The following SEMA3D variants were observed in gnomAD, a reference collection of about 807,000 sequenced individuals.
SEMA3D encodes the protein semaphorin-3D.
In SEMA3D, 84 loss-of-function variants were observed where a neutral mutation model predicts 100.1. The observed-to-expected ratio is 0.84, with a 90% CI of 0.70 to 1.01. SEMA3D has a LOEUF of 1.01. Among genes scored for constraint, SEMA3D ranks in the 50% least tolerant of loss-of-function variants. SEMA3D has a pLI of 0.00. For synonymous variants in SEMA3D, 312 were observed against 320.7 expected, an observed-to-expected ratio of 0.97 and a Z score of 0.29; for missense variants, 875 against 934.1, an observed-to-expected ratio of 0.94 and a Z score of 0.82.
In SEMA3D at chr7:85,036,792, A is replaced by G. The variant is rs961623748; in HGVS notation, c.1191+97T>C. ...CACTGCAAATAAATGTTATTACAGC[A>G]CATGTGGCTCTGGTGAATAGCAGAA... is the stretch of plus-strand genomic sequence containing the variant. On this transcript the variant is annotated intron_variant, in intron 12 of 18. Transcript: ENST00000284136. 8.9e-6 allele frequency: 8 copies of G among 902,596 alleles called. No individual in the cohort carries two copies. In the African/African-American group the frequency reaches 1.2e-4, roughly 13 times the overall value. The allele number at this position is 902,596 out of a possible 1,614,324, so 55.9% of individuals were successfully genotyped here.
At chr7:85,137,323 G>A (rs1283096434) in intron 2 of SEMA3D, among the ~76,000 whole-genome samples, 1 of 151,524 alleles carries the variant, frequency 6.6e-6, no homozygotes, top group Non-Finnish European at 1.5e-5. Context: ...TATATACATA[G>A]GGTATATACA....
At chr7:85,064,384 A>T (rs1300299499) in intron 8 of SEMA3D, among the ~76,000 whole-genome samples, 1 of 152,170 alleles carries the variant, frequency 6.6e-6, no homozygotes, top group East Asian at 1.9e-4. Context: ...GTAGTCATGG[A>T]TATTCTATAT....
the SEMA3D span, among the ~76,000 whole-genome samples, chr7:85,209,084 T>C: frequency 6.6e-6 from 1 of 151,930 alleles, no homozygotes; most frequent in Non-Finnish European, 1.5e-5. Flanking sequence ...AATATGTTAA[T>C]TAAAATCAGT....
At chr7:85,044,790 T>C (rs535488396) in intron 9 of SEMA3D, among the ~76,000 whole-genome samples, 4 of 152,224 alleles carry the variant, frequency 2.6e-5, no homozygotes, top group African/African-American at 9.6e-5. Flanking sequence ...ATTAGCATAT[T>C]GTCACTGACA....
At chr7:85,246,607 T>C in the SEMA3D span, among the ~76,000 whole-genome samples, 1 of 152,022 alleles carries the variant, frequency 6.6e-6, no homozygotes, top group African/African-American at 2.4e-5. Flanking sequence ...TCTACTAGTT[T>C]GTGTAAATTA....
chr7:85,046,479 A>T (rs1487489674), intron 9 of SEMA3D, among the ~76,000 whole-genome samples: 1 of 151,984 alleles, frequency 6.6e-6, no homozygotes, highest in Admixed American at 6.6e-5. Flanking sequence ...GAATAAAAAG[A>T]TAAAAAACCA....
chr7:85,131,251 A>C (rs578056406), intron 2 of SEMA3D, among the ~76,000 whole-genome samples: 1 of 152,240 alleles, frequency 6.6e-6, no homozygotes, highest in East Asian at 1.9e-4. Flanking sequence ...GTATGAAAGC[A>C]AATGAAGAAA....
chr7:85,119,534 C>T (rs1789346814), intron 3 of SEMA3D, among the ~76,000 whole-genome samples: 1 of 152,094 alleles, frequency 6.6e-6, no homozygotes. Context: ...TGCATACTCT[C>T]ACTTATAAGT....
chr7:85,000,730 T>C (rs1198878187), intron 18 of SEMA3D, among the ~76,000 whole-genome samples: 2 of 152,230 alleles, frequency 1.3e-5, no homozygotes, highest in African/African-American at 2.4e-5. Flanking sequence ...TGAAGCATTA[T>C]TACTAAAAGA....
Position 85,151,549 on chromosome 7 carries a change from C to A in SEMA3D, c.-41+2059G>T, listed in dbSNP as rs558466109. The A allele has an allele frequency of 2.5e-5, 19 of 767,332 alleles. No homozygotes were observed. The South Asian group carries it at 9.5e-4, about 38-fold the overall frequency. 47.5% of individuals were successfully genotyped at this position (767,332 alleles called of 1,614,324 possible). A position where few individuals can be genotyped will look rare whatever the true frequency, so the allele number is the denominator to read the frequency against. On this transcript the variant is annotated intron_variant, in intron 2 of 18. Coordinates refer to ENST00000284136, the MANE Select transcript of SEMA3D (RefSeq NM_001384900.1). ...GGATTAGACAATATATATTTCTATG[C>A]TGGTTAAAATAGAGCACCGTAGTTG... is the stretch of plus-strand genomic sequence containing the variant.
rs1027855684 is a variant in SEMA3D at position 85,072,766 on chromosome 7, G to A, written c.495+196C>T. ...AAACAGGATCTTACTATGCTGCTTAGGATAGATTTGAATTCCTTGGCTCAA... is the reference window on the plus strand; with the variant it reads ...AAACAGGATCTTACTATGCTGCTTAAGATAGATTTGAATTCCTTGGCTCAA... On this transcript the variant is annotated intron_variant, in intron 6 of 18. Coordinates refer to ENST00000284136, the MANE Select transcript of SEMA3D (RefSeq NM_001384900.1). Among the ~76,000 whole-genome samples, 26 of 152,170 alleles carry A rather than the reference G, an allele frequency of 1.7e-4. 1 individual carries two copies. The highest frequency in any genetic ancestry group is 2.6e-4 in the Admixed American group (4 of 15,284).
At chr7:85,093,950 G>A (rs776723104) in intron 4 of SEMA3D, among the ~76,000 whole-genome samples, 6 of 151,922 alleles carry the variant, frequency 3.9e-5, no homozygotes, top group Non-Finnish European at 8.8e-5. Context: ...CCGAGGGTGA[G>A]GTGAAGCCTT....
At chr7:85,243,106 G>A in the SEMA3D span, among the ~76,000 whole-genome samples, 1 of 152,074 alleles carries the variant, frequency 6.6e-6, no homozygotes, top group Non-Finnish European at 1.5e-5. Flanking sequence ...AGATAGAGTG[G>A]GCTTCTGTTG....
At chr7:85,205,840 G>C in the SEMA3D span, among the ~76,000 whole-genome samples, 3 of 152,048 alleles carry the variant, frequency 2.0e-5, no homozygotes, top group African/African-American at 7.2e-5. Context: ...GATTTCATAA[G>C]GCCCAGCAGT....
intron 18 of SEMA3D, among the ~76,000 whole-genome samples, chr7:85,002,540 G>T (rs906441076): frequency 6.6e-6 from 1 of 152,076 alleles, no homozygotes; most frequent in Non-Finnish European, 1.5e-5. Context: ...GCTGAAATAG[G>T]ATGCATTATG....
At chr7:85,246,439 T>G in the SEMA3D span, among the ~76,000 whole-genome samples, 1 of 152,046 alleles carries the variant, frequency 6.6e-6, no homozygotes, top group Non-Finnish European at 1.5e-5. Context: ...TGTGGAGCTG[T>G]GAATCATTTC....
chr7:85,140,204 A>G (rs1790005701), intron 2 of SEMA3D: 1 of 587,974 alleles, frequency 1.7e-6, no homozygotes, highest in Admixed American at 6.4e-5. Context: ...TTTTAACATC[A>G]ATAAAAATGT....
chr7:85,240,145 T>TTTTTGTAGA, the SEMA3D span, among the ~76,000 whole-genome samples: 1 of 152,092 alleles, frequency 6.6e-6, no homozygotes, highest in African/African-American at 2.4e-5. Flanking sequence ...CACTATAGGC[T>TTTTTGTAGA]TTTTGTAGAT....
chr7:85,051,175 T>C (rs1348894851), intron 9 of SEMA3D, among the ~76,000 whole-genome samples: 1 of 151,864 alleles, frequency 6.6e-6, no homozygotes, highest in Non-Finnish European at 1.5e-5. Context: ...AAAATAGTTA[T>C]GGAAGCAATA....
Sources: gnomAD v4.1 joint callset for allele counts (sites outside exome capture counted in the v4.1 genomes callset) on GRCh38, gnomAD v4.1.1 for gene constraint, MANE v1.5 for transcripts, NCBI Gene and HGNC (gene_info 2026-07-23, HGNC 2026-07-21) for gene names.